PRDM5: variants seen among roughly 807,000 people sequenced by gnomAD.
The protein encoded by PRDM5 is PR domain zinc finger protein 5.
A neutral mutation model predicts 81.2 loss-of-function variants in PRDM5; 56 were observed. The observed-to-expected ratio is 0.69, with a 90% CI of 0.56 to 0.86. The LOEUF is 0.86. PRDM5 is among the 40% of genes least tolerant of loss of function. The probability of loss-of-function intolerance (pLI) is 0.00; values close to 1 mark genes in which losing one functional copy is unlikely to be tolerated. For synonymous variants in PRDM5, 267 were observed against 256.4 expected, an observed-to-expected ratio of 1.04 and a Z score of -0.39; for missense variants, 697 against 770.1, an observed-to-expected ratio of 0.91 and a Z score of 1.12.
intron 12 of PRDM5, among the ~76,000 whole-genome samples, chr4:120,779,933 C>CT (rs1748790370): frequency 2.0e-5 from 3 of 149,558 alleles, no homozygotes; most frequent in East Asian, 2.0e-4. Context: ...AACAAACAAA[C>CT]AATATATATA....
At chr4:120,786,876 C>G (rs75697103) in intron 10 of PRDM5, among the ~76,000 whole-genome samples, 1 of 152,156 alleles carries the variant, frequency 6.6e-6, no homozygotes, top group Non-Finnish European at 1.5e-5. Context: ...CCAAATAGCA[C>G]TCCTAAAATT....
chr4:120,829,682 CTG>C (rs1383482711), intron 3 of PRDM5, among the ~76,000 whole-genome samples: 5 of 151,996 alleles, frequency 3.3e-5, no homozygotes, highest in African/African-American at 1.2e-4. Context: ...CATGTGGACA[CTG>C]TAAGAAAAAC....
chr4:120,900,959 C>T (rs146420795), intron 2 of PRDM5, among the ~76,000 whole-genome samples: 1,931 of 152,298 alleles, frequency 0.013, 25 homozygotes, highest in Middle Eastern at 0.058. Context: ...TCCTTAGAGA[C>T]AGCTATTGTT....
downstream of PRDM5, among the ~76,000 whole-genome samples, chr4:120,690,124 G>T (rs766343711): frequency 7.9e-5 from 12 of 152,018 alleles, no homozygotes; most frequent in Non-Finnish European, 1.3e-4. Flanking sequence ...GGCAATTTTG[G>T]TTCTTCAGAT....
At chr4:120,722,753 T>C (rs1288717533) in intron 14 of PRDM5, among the ~76,000 whole-genome samples, 1 of 152,122 alleles carries the variant, frequency 6.6e-6, no homozygotes, top group African/African-American at 2.4e-5. Flanking sequence ...CTGGCTGCGA[T>C]TACTGAGAAG....
downstream of PRDM5, among the ~76,000 whole-genome samples, chr4:120,688,309 G>T (rs746048922): frequency 6.0e-5 from 9 of 151,194 alleles, no homozygotes; most frequent in Non-Finnish European, 1.2e-4. Context: ...CAAGTCCTTT[G>T]TCCATTTTTC....
chr4:120,710,732 T>TA lies in PRDM5; in HGVS notation c.1624-320_1624-319insT, dbSNP rs1361761703. ...CTTTTCCCACTTTGCTCCATGCTTC[T>TA]CTCTCCTGCCGCCATGTGAAGAAGG... On this transcript the variant is annotated intron_variant, in intron 14 of 15. Coordinates refer to ENST00000264808, the MANE Select transcript of PRDM5 (RefSeq NM_018699.4). Among the ~76,000 whole-genome samples the TA allele has an allele frequency of 2.0e-5, 3 of 152,172 alleles. No homozygotes were observed. In the East Asian group the frequency reaches 5.8e-4, roughly 29 times the overall value.
intron 3 of PRDM5, among the ~76,000 whole-genome samples, chr4:120,841,890 G>A (rs1452877999): frequency 1.3e-5 from 2 of 152,110 alleles, no homozygotes; most frequent in Non-Finnish European, 2.9e-5. Context: ...CCTAAATCTT[G>A]TAATGATATA....
intron 13 of PRDM5, among the ~76,000 whole-genome samples, chr4:120,776,429 T>C (rs1283317363): frequency 2.0e-5 from 3 of 152,200 alleles, no homozygotes; most frequent in Non-Finnish European, 2.9e-5. Context: ...AAGAAAGTCA[T>C]ATACTACGGC....
chr4:120,881,677 A>G (rs1762859044), intron 2 of PRDM5, among the ~76,000 whole-genome samples: 1 of 152,226 alleles, frequency 6.6e-6, no homozygotes, highest in African/African-American at 2.4e-5. Context: ...TTCTTTGTAC[A>G]TCTTGAAAAC....
chr4:120,740,196 A>G (rs1318322945), intron 14 of PRDM5, among the ~76,000 whole-genome samples: 2 of 152,350 alleles, frequency 1.3e-5, no homozygotes, highest in Middle Eastern at 3.4e-3. Context: ...AAGATTCACT[A>G]ATTCCAAAAT....
At chr4:120,813,801 T>C (rs576516730) in intron 7 of PRDM5, among the ~76,000 whole-genome samples, 2 of 152,304 alleles carry the variant, frequency 1.3e-5, no homozygotes, top group East Asian at 1.9e-4. Context: ...TAATCCTTTA[T>C]TGCCCTGTCC....
intron 2 of PRDM5, among the ~76,000 whole-genome samples, chr4:120,855,027 C>T (rs746878146): frequency 1.6e-4 from 25 of 151,982 alleles, no homozygotes; most frequent in Non-Finnish European, 1.0e-4. Flanking sequence ...CCAGATCATG[C>T]GGGGACCAAC....
intron 2 of PRDM5, among the ~76,000 whole-genome samples, chr4:120,883,280 G>A (rs146942357): frequency 6.6e-6 from 1 of 152,082 alleles, no homozygotes; most frequent in Non-Finnish European, 1.5e-5. Flanking sequence ...CTTTCTTAAA[G>A]TTGATTTTCG....
chr4:120,796,188 T>C (rs1338218868), intron 10 of PRDM5, among the ~76,000 whole-genome samples: 1 of 152,218 alleles, frequency 6.6e-6, no homozygotes, highest in East Asian at 1.9e-4. Context: ...TAGCCATTAA[T>C]GATTGTGATG....
intron 14 of PRDM5, among the ~76,000 whole-genome samples, chr4:120,741,826 T>A (rs1170168240): frequency 1.3e-5 from 2 of 152,078 alleles, no homozygotes; most frequent in East Asian, 3.9e-4. Flanking sequence ...GAGATCAAAC[T>A]GCAAGGCAGC....
intron 15 of PRDM5, among the ~76,000 whole-genome samples, chr4:120,704,539 G>C (rs1007682052): frequency 1.3e-5 from 2 of 152,158 alleles, no homozygotes; most frequent in Non-Finnish European, 2.9e-5. Context: ...TTAACAGAAA[G>C]CACCTAAATT....
At chr4:120,762,190 A>T (rs1164078672) in intron 13 of PRDM5, among the ~76,000 whole-genome samples, 1 of 152,202 alleles carries the variant, frequency 6.6e-6, no homozygotes, top group Non-Finnish European at 1.5e-5. Flanking sequence ...ACACACAGAA[A>T]ATGTAATTTA....
chr4:120,742,172 A>G (rs1002733272), intron 14 of PRDM5, among the ~76,000 whole-genome samples: 17 of 152,170 alleles, frequency 1.1e-4, no homozygotes, highest in African/African-American at 2.9e-4. Flanking sequence ...GGGGCACACT[A>G]ACACCTCACA....
Sources: gnomAD v4.1 joint callset for allele counts (sites outside exome capture counted in the v4.1 genomes callset) on GRCh38, gnomAD v4.1.1 for gene constraint, MANE v1.5 for transcripts, NCBI Gene and HGNC (gene_info 2026-07-23, HGNC 2026-07-21) for gene names.